WDPCP: variants seen among roughly 807,000 people sequenced by gnomAD.
WDPCP encodes the protein WD repeat containing planar cell polarity effector.
In WDPCP, 71 loss-of-function variants were observed where a neutral mutation model predicts 93.1. That is an observed-to-expected ratio of 0.76 (90% CI 0.63 to 0.93). WDPCP has a LOEUF of 0.93. Among genes scored for constraint, WDPCP ranks in the 40% least tolerant of loss-of-function variants. The probability of loss-of-function intolerance (pLI) is 0.00; values close to 1 mark genes in which losing one functional copy is unlikely to be tolerated. For synonymous variants in WDPCP, 315 were observed against 315.0 expected (o/e 1.00, Z 0.00); for missense variants, 844 against 887.4 (o/e 0.95, Z 0.62).
chr2:63,285,788 C>G (rs984239649), intron 13 of WDPCP, among the ~76,000 whole-genome samples: 1 of 152,044 alleles, frequency 6.6e-6, no homozygotes, highest in Non-Finnish European at 1.5e-5. Flanking sequence ...TTCCTATTTA[C>G]TAGTTCTAAA....
intron 1 of WDPCP, among the ~76,000 whole-genome samples, chr2:63,585,093 T>C (rs978676468): frequency 2.6e-5 from 4 of 152,202 alleles, no homozygotes; most frequent in Non-Finnish European, 4.4e-5. Flanking sequence ...TCAAATGTTA[T>C]AGTTTAAAAT....
intron 3 of WDPCP, chr2:63,595,538 A>G (rs34038003): frequency 0.027 from 38,866 of 1,448,170 alleles, 634 homozygotes; most frequent in South Asian, 0.034. Context: ...GGGAGTAGAG[A>G]AGGGATTTTA....
intron 1 of WDPCP, among the ~76,000 whole-genome samples, chr2:63,569,140 TCAAAAA>T (rs1707293172): frequency 6.6e-6 from 1 of 152,134 alleles, no homozygotes; most frequent in African/African-American, 2.4e-5. Flanking sequence ...TAGATGACTC[TCAAAAA>T]CAATGTTGAA....
At chr2:63,678,516 T>C (rs1710451814) in intron 2 of WDPCP, among the ~76,000 whole-genome samples, 1 of 152,198 alleles carries the variant, frequency 6.6e-6, no homozygotes, top group African/African-American at 2.4e-5. Context: ...CAGCCTACAG[T>C]ACCTGCATGG....
intron 12 of WDPCP, among the ~76,000 whole-genome samples, chr2:63,348,290 C>A (rs555350762): frequency 1.3e-5 from 2 of 152,276 alleles, no homozygotes; most frequent in East Asian, 3.9e-4. Flanking sequence ...AAGCCTTGGA[C>A]TTTTCAAAAA....
intron 1 of WDPCP, among the ~76,000 whole-genome samples, chr2:63,556,103 AAAC>A (rs1341643712): frequency 2.6e-5 from 4 of 152,180 alleles, no homozygotes; most frequent in Non-Finnish European, 5.9e-5. Context: ...AACCATGAGA[AAAC>A]ATCACAGCAG....
At chr2:63,131,689 G>A (rs979117533) in intron 17 of WDPCP, among the ~76,000 whole-genome samples, 6 of 151,886 alleles carry the variant, frequency 4.0e-5, no homozygotes, top group African/African-American at 1.5e-4. Flanking sequence ...TTGTATAGCT[G>A]TCTAGTATCT....
At chr2:63,127,065 C>T (rs1669958148) in intron 17 of WDPCP, among the ~76,000 whole-genome samples, 1 of 150,746 alleles carries the variant, frequency 6.6e-6, no homozygotes. Flanking sequence ...TGCCCCAAAT[C>T]TTTCAGAAAG....
At chr2:63,159,892 G>C (rs1439014439) in intron 15 of WDPCP, among the ~76,000 whole-genome samples, 2 of 152,146 alleles carry the variant, frequency 1.3e-5, no homozygotes, top group African/African-American at 2.4e-5. Context: ...ATTTAATGGG[G>C]TTGTTTTCAC....
chr2:63,219,389 A>G (rs765592555), intron 14 of WDPCP, among the ~76,000 whole-genome samples: 2 of 152,206 alleles, frequency 1.3e-5, no homozygotes, highest in East Asian at 1.9e-4. Flanking sequence ...AGGCATGCCA[A>G]TAAGTAAAAC....
chr2:63,679,542 A>G (rs1710463976), intron 2 of WDPCP, among the ~76,000 whole-genome samples: 1 of 152,106 alleles, frequency 6.6e-6, no homozygotes, highest in Non-Finnish European at 1.5e-5. Context: ...CATCTTATTA[A>G]TATTTGGGAG....
chr2:63,829,352 C>T (rs1671160244), upstream of WDPCP, among the ~76,000 whole-genome samples: 1 of 152,086 alleles, frequency 6.6e-6, no homozygotes, highest in Admixed American at 6.6e-5. Flanking sequence ...AAGGTGCCAA[C>T]ATCAAACTGT....
At chr2:63,644,781 C>A (rs1209028056) in intron 3 of WDPCP, among the ~76,000 whole-genome samples, 2 of 152,026 alleles carry the variant, frequency 1.3e-5, no homozygotes, top group African/African-American at 4.8e-5. Context: ...TCTAGATTTT[C>A]CAATTTATTG....
chr2:63,589,408 G>A (rs75774878), upstream of WDPCP: 8,407 of 1,546,638 alleles, frequency 5.4e-3, 39 homozygotes, highest in Non-Finnish European at 6.5e-3. Flanking sequence ...GGGAAAGGTT[G>A]GGTCCTAACC....
chr2:63,364,117 A>G (rs1690703911), intron 12 of WDPCP, among the ~76,000 whole-genome samples: 1 of 152,188 alleles, frequency 6.6e-6, no homozygotes, highest in South Asian at 2.1e-4. Context: ...AGTTACTCAT[A>G]AGTGGATTGC....
intron 1 of WDPCP, 81 bp downstream of exon 1, chr2:63,588,116 A>T: frequency 1.3e-6 from 2 of 1,504,052 alleles, no homozygotes; most frequent in Non-Finnish European, 1.8e-6. Flanking sequence ...CAGCGGATAA[A>T]AGCAAAGCGG....
At chr2:63,430,198 A>G (rs576354824) in intron 9 of WDPCP, among the ~76,000 whole-genome samples, 1 of 152,280 alleles carries the variant, frequency 6.6e-6, no homozygotes, top group South Asian at 2.1e-4. Context: ...GAGGGAAACA[A>G]TATACAGTGG....
At chr2:63,534,147 C>T (rs940545683) in intron 1 of WDPCP, among the ~76,000 whole-genome samples, 1 of 152,114 alleles carries the variant, frequency 6.6e-6, no homozygotes, top group Non-Finnish European at 1.5e-5. Flanking sequence ...TACACCCTCC[C>T]AAGACTAAAT....
At chr2:63,691,873 A>AGTGTGTGT (rs71393325) in intron 2 of WDPCP, among the ~76,000 whole-genome samples, 4 of 145,088 alleles carry the variant, frequency 2.8e-5, no homozygotes, top group African/African-American at 7.5e-5. Context: ...TATACTACAA[A>AGTGTGTGT]GTGTGTGTGT....
Sources: gnomAD v4.1 joint callset for allele counts (sites outside exome capture counted in the v4.1 genomes callset) on GRCh38, gnomAD v4.1.1 for gene constraint, MANE v1.5 for transcripts, NCBI Gene and HGNC (gene_info 2026-07-23, HGNC 2026-07-21) for gene names.